Variants in CD46 observed in about 807,000 individuals in gnomAD.
The protein encoded by CD46 is membrane cofactor protein.
In CD46, 30 loss-of-function variants were observed where a neutral mutation model predicts 53.3. That is an observed-to-expected ratio of 0.56 (90% CI 0.42 to 0.76). CD46 has a LOEUF of 0.76. Ranked by LOEUF, CD46 falls within the 30% of genes least tolerant of loss-of-function variation. The probability of loss-of-function intolerance (pLI) is 0.00; values close to 1 mark genes in which losing one functional copy is unlikely to be tolerated. For missense variants in CD46, 409 were observed against 463.0 expected (o/e 0.88, Z 1.07); for synonymous variants, 142 against 152.0 (o/e 0.93, Z 0.48).
Position 207,752,439 on chromosome 1 carries a change from G to GCACCC in CD46, c.97+131_97+132insACCCC. On this transcript the variant is annotated intron_variant, in intron 1 of 12. Transcript: ENST00000367042. This position sits in a 1 kb window ranked among gnomAD's most constrained non-coding sequence, Gnocchi z 4.1. ...GACAGGGTTCTCTGAGGGGTGCAGT[G>GCACCC]CTCAGATCCCGGGGGTATGTGGCGG... 2 of 863,952 alleles carry GCACCC rather than the reference G, an allele frequency of 2.3e-6. No homozygotes were observed. The highest frequency in any genetic ancestry group is 3.9e-6 in the Non-Finnish European group (2 of 511,476). The allele number at this position is 863,952 out of a possible 1,614,324, so 53.5% of individuals were successfully genotyped here.
intron 5 of CD46, 39 bp downstream of exon 5, chr1:207,761,485 C>T (rs1487413675): frequency 1.3e-6 from 2 of 1,518,248 alleles, no homozygotes; most frequent in Admixed American, 1.7e-5. Flanking sequence ...TTTGTAAATA[C>T]TATGGAAACA....
intron 5 of CD46, among the ~76,000 whole-genome samples, chr1:207,764,955 G>A (rs1656678439): frequency 6.6e-6 from 1 of 152,168 alleles, no homozygotes; most frequent in South Asian, 2.1e-4. Context: ...TATGATGATA[G>A]CATTGTCCTT....
chr1:207,761,011 A>T, intron 4 of CD46: 1 of 496,328 alleles, frequency 2.0e-6, no homozygotes, highest in Non-Finnish European at 3.7e-6. Context: ...GATCCAAACC[A>T]TATCAATAGG....
chr1:207,790,460 A>G, intron 12 of CD46, 115 bp downstream of exon 12: 1 of 643,900 alleles, frequency 1.6e-6, no homozygotes, highest in South Asian at 1.7e-5. Context: ...ATCAAAGAGG[A>G]AATTTACATT....
chr1:207,792,825 A>G (rs1371347100), intron 12 of CD46, among the ~76,000 whole-genome samples: 1 of 152,236 alleles, frequency 6.6e-6, no homozygotes, highest in Non-Finnish European at 1.5e-5. Context: ...TCAAACACAC[A>G]CTGGATTTCA....
chr1:207,773,739 G>T (rs1466539147), intron 8 of CD46, among the ~76,000 whole-genome samples: 1 of 151,918 alleles, frequency 6.6e-6, no homozygotes, highest in Non-Finnish European at 1.5e-5. Flanking sequence ...TTGCACTGTG[G>T]TCTGAGAGAC....
intron 1 of CD46, among the ~76,000 whole-genome samples, chr1:207,753,336 A>G (rs989251258): frequency 1.3e-5 from 2 of 152,186 alleles, no homozygotes; most frequent in Admixed American, 1.3e-4. Context: ...ATCCCACTAA[A>G]TTTATTTTGT....
chr1:207,766,926 T>C, intron 5 of CD46, 87 bp from the exon 6 acceptor site: 1 of 1,034,220 alleles, frequency 9.7e-7, no homozygotes, highest in South Asian at 1.3e-5. Context: ...ATTCCTTGTC[T>C]CTGTTCACAC....
At chr1:207,753,990 G>A (rs1571567733) in intron 1 of CD46, among the ~76,000 whole-genome samples, 1 of 152,262 alleles carries the variant, frequency 6.6e-6, no homozygotes, top group African/African-American at 2.4e-5. Flanking sequence ...ACACATTCAT[G>A]CAGGAAGATA....
intron 9 of CD46, among the ~76,000 whole-genome samples, chr1:207,783,883 T>G (rs1250790349): frequency 6.6e-6 from 1 of 152,228 alleles, no homozygotes; most frequent in Non-Finnish European, 1.5e-5. Context: ...AAACACTTGA[T>G]AACTGTTTAT....
rs1457827640 is a variant in CD46 at position 207,761,354 on chromosome 1, C to T, written c.581C>T (p.Ala194Val). Residue 194 changes from alanine to valine, a missense_variant, in exon 5 of 13, where the codon GCA (alanine) becomes GTA (valine). Physicochemically the swap from Ala to Val is moderately conservative, Grantham distance 64 (BLOSUM62 0). Coordinates refer to ENST00000367042, the MANE Select transcript of CD46 (RefSeq NM_172351.3). ...LDAVTYSCDP[A>V]PGPDPFSLIG... ...GCAGTAACTTATAGTTGTGATCCTG[C>T]ACCTGGACCAGATCCATTTTCACTT... 2 of 1,613,326 alleles carry T rather than the reference C, an allele frequency of 1.2e-6. No homozygotes were observed. Among genetic ancestry groups the T allele is most frequent in the Non-Finnish European group, 1.7e-6 (2 of 1,179,244 alleles).
intron 11 of CD46, among the ~76,000 whole-genome samples, chr1:207,789,405 G>A (rs1158469225): frequency 6.6e-6 from 1 of 151,718 alleles, no homozygotes; most frequent in Admixed American, 6.6e-5. Context: ...AGTGACATGG[G>A]GCAAAAAAAG....
At position 207,785,777 on chromosome 1, in the gene CD46, CTTTTT is replaced by C. The variant is rs63193962; in HGVS notation, c.1082+105_1082+109del. ...GTTTGTAATCTGTATTGCATGCTAT[CTTTTT>C]TTTTTTTTTAAAAAAATGCCTGCAT... On this transcript the variant is annotated intron_variant, in intron 11 of 12. Coordinates refer to ENST00000367042, the MANE Select transcript of CD46 (RefSeq NM_172351.3). 3.2e-3 allele frequency: 2,169 copies of C among 674,376 alleles called. 21 individuals carry two copies. Among genetic ancestry groups the C allele is most frequent in the African/African-American group, 0.012 (679 of 54,488 alleles). 41.8% of individuals were successfully genotyped at this position (674,376 alleles called of 1,614,324 possible). A position where few individuals can be genotyped will look rare whatever the true frequency, so the allele number is the denominator to read the frequency against.
rs191188615 is a variant in CD46 at position 207,787,406 on chromosome 1, C to G, written c.1082+1724C>G. Among the ~76,000 whole-genome samples the G allele has an allele frequency of 5.4e-3, 819 of 152,240 alleles. 5 individuals are homozygous for G. Among genetic ancestry groups the G allele is most frequent in the Non-Finnish European group, 8.4e-3 (571 of 68,022 alleles). ...CTTTTAAAGCTCAACAGTTATCTGACTGTTACACTCCCAAATGAAAGGTTC... is the reference window on the plus strand; with the variant it reads ...CTTTTAAAGCTCAACAGTTATCTGAGTGTTACACTCCCAAATGAAAGGTTC... On this transcript the variant is annotated intron_variant, in intron 11 of 12. Transcript: ENST00000367042.
chr1:207,760,960 A>G, intron 4 of CD46: 1 of 396,424 alleles, frequency 2.5e-6, no homozygotes. Flanking sequence ...CACCTCCAAC[A>G]TTGTGGACTA....
Position 207,752,288 on chromosome 1 carries a change from T to G in CD46, c.76T>G (p.Leu26Val). Residue 26 changes from leucine (L) to valine (V), a missense_variant, in exon 1 of 13, where the codon TTG becomes GTG. Coordinates refer to ENST00000367042, the MANE Select transcript of CD46 (RefSeq NM_172351.3). This position sits in a 1 kb window ranked among gnomAD's most constrained non-coding sequence, Gnocchi z 4.1. Reference protein sequence around the residue: ...FPGLLLAAMVLLLYSFSDACE... With the variant: ...FPGLLLAAMVVLLYSFSDACE... ...TGGGTTGCTTCTGGCGGCCATGGTGTTGCTGCTGTACTCCTTCTCCGGTAG... is the reference window on the plus strand; with the variant it reads ...TGGGTTGCTTCTGGCGGCCATGGTGGTGCTGCTGTACTCCTTCTCCGGTAG... 1 of 1,614,128 alleles carries G rather than the reference T, an allele frequency of 6.2e-7. No homozygotes were observed. The highest frequency in any genetic ancestry group is 1.3e-5 in the African/African-American group (1 of 75,056).
chr1:207,764,497 G>A (rs529423195), intron 5 of CD46, among the ~76,000 whole-genome samples: 70 of 152,124 alleles, frequency 4.6e-4, no homozygotes, highest in Non-Finnish European at 7.6e-4. Context: ...TCCTTTTTCT[G>A]ACTTCCCCCC....
chr1:207,760,635 G>A (rs1656073133), intron 4 of CD46: 1 of 152,584 alleles, frequency 6.6e-6, no homozygotes, highest in Non-Finnish European at 1.5e-5. Flanking sequence ...ACCTGAGACT[G>A]GGTAATTTAT....
Position 207,752,141 on chromosome 1 carries a change from A to T in CD46, c.-72A>T. Reference sequence around the variant, plus strand: ...CGTCCCATATCTGGACCCAGAAGGGACTTCCCTGCTCGGCTGGCTCTCGGT... The same window carrying T: ...CGTCCCATATCTGGACCCAGAAGGGTCTTCCCTGCTCGGCTGGCTCTCGGT... On this transcript the variant is annotated 5_prime_UTR_variant, in exon 1 of 13. Coordinates refer to ENST00000367042, the MANE Select transcript of CD46 (RefSeq NM_172351.3). The surrounding 1 kb of genome is among the most constrained non-coding windows in gnomAD (Gnocchi z 4.1). 4.4e-6 allele frequency: 6 copies of T among 1,370,974 alleles called. No homozygotes were observed. The highest frequency in any genetic ancestry group is 6.2e-6 in the Non-Finnish European group (6 of 965,980). 84.9% of individuals were successfully genotyped at this position (1,370,974 alleles called of 1,614,324 possible).
Sources: allele counts gnomAD v4.1 joint callset (sites outside exome capture counted in the v4.1 genomes callset), GRCh38; gene constraint gnomAD v4.1.1; non-coding constraint Gnocchi (gnomAD v3.1); transcripts MANE v1.5; gene names NCBI Gene and HGNC (gene_info 2026-07-23, HGNC 2026-07-21).